Variants in NLRP5 observed in about 807,000 individuals in gnomAD.
NLRP5 encodes NACHT, LRR and PYD domains-containing protein 5.
A neutral mutation model predicts 113.1 loss-of-function variants in NLRP5; 93 were observed. The ratio of observed to expected loss-of-function variants is 0.82; its 90% confidence interval spans 0.70 to 0.98. The LOEUF (loss-of-function observed/expected upper bound fraction) is 0.98, where lower values mean the gene tolerates loss of function less well. Among genes scored for constraint, NLRP5 ranks in the 50% least tolerant of loss-of-function variants. The pLI is 0.00. For missense variants in NLRP5, 1,808 were observed against 1,514.3 expected (o/e 1.19, Z -3.22); for synonymous variants, 751 against 600.7 (o/e 1.25, Z -3.66).
At position 56,028,553 on chromosome 19, in the gene NLRP5, C is replaced by T. The variant is rs759338916; in HGVS notation, c.2276+44C>T. ...TTTATCCTATGCCGTGTGCTGAGCT[C>T]TGTGTCTCTACTGCTGGGACTTGAC... is the stretch of plus-strand genomic sequence containing the variant. On this transcript the variant is annotated intron_variant, in intron 7 of 14. Coordinates refer to ENST00000390649, the MANE Select transcript of NLRP5 (RefSeq NM_153447.4). The T allele has an allele frequency of 1.9e-6, 3 of 1,556,132 alleles. No individual in the cohort carries two copies. In the South Asian group the frequency reaches 3.6e-5, roughly 18 times the overall value.
chr19:56,057,703 C>G (rs1019609858), intron 13 of NLRP5, among the ~76,000 whole-genome samples: 2 of 152,086 alleles, frequency 1.3e-5, no homozygotes, highest in African/African-American at 4.8e-5. Flanking sequence ...GAACCAAGCA[C>G]AGTAGCCTCA....
In NLRP5 at chr19:56,032,794, G is replaced by A. The variant is rs773182534; in HGVS notation, c.2447+13G>A. ...TACAGACCCTGATGTAAGGCTGCCC[G>A]CCCCCTACGAGAGAATCCCTTCCCA... On this transcript the variant is annotated intron_variant, in intron 8 of 14. Coordinates refer to ENST00000390649, the MANE Select transcript of NLRP5 (RefSeq NM_153447.4). The A allele has an allele frequency of 1.0e-4, 166 of 1,594,156 alleles. No individual in the cohort carries two copies. Among genetic ancestry groups the A allele is most frequent in the Admixed American group, 1.2e-4 (7 of 58,958 alleles).
the NLRP5 span, among the ~76,000 whole-genome samples, chr19:55,986,968 C>CA: frequency 6.6e-6 from 1 of 152,222 alleles, no homozygotes; most frequent in South Asian, 2.1e-4. Flanking sequence ...CTTGAAAGAA[C>CA]AAAGTCCAGT....
intron 3 of NLRP5, among the ~76,000 whole-genome samples, chr19:56,010,799 T>TTA (rs564809912): frequency 7.2e-6 from 1 of 137,956 alleles, no homozygotes; most frequent in Non-Finnish European, 1.6e-5. Context: ...GTTTTTTTTT[T>TTA]ATCAAGCTAT....
At chr19:56,016,047 T>C (rs559627572) in intron 4 of NLRP5, among the ~76,000 whole-genome samples, 3 of 152,360 alleles carry the variant, frequency 2.0e-5, no homozygotes, top group South Asian at 2.1e-4. Flanking sequence ...TATATACTTA[T>C]GGGGCGTGAG....
chr19:56,004,005 G>T lies in NLRP5; in HGVS notation c.352G>T (p.Gly118Ter), dbSNP rs771206697. The stretch of plus-strand genomic sequence containing the variant: ...GGCACTCCTCTTGCATGAGTATTAT[G>T]GAGCATCGCTGGCCTGGGCTACGTC... Residue 118 changes from glycine (G) to a stop codon, truncating the protein, a stop_gained, in exon 2 of 15, where the codon GGA becomes TGA. Transcript: ENST00000390649. LOFTEE classifies it high-confidence loss of function. 1 of 1,613,974 alleles carries T rather than the reference G, an allele frequency of 6.2e-7. No homozygotes were observed. The highest frequency in any genetic ancestry group is 8.5e-7 in the Non-Finnish European group (1 of 1,179,886).
intron 13 of NLRP5, among the ~76,000 whole-genome samples, chr19:56,056,938 G>A (rs987635961): frequency 2.6e-5 from 4 of 152,002 alleles, no homozygotes; most frequent in Non-Finnish European, 5.9e-5. Flanking sequence ...TCAGGAGTTC[G>A]AGACCAGACT....
At chr19:55,996,289 A>C (rs1308817808), upstream of NLRP5, among the ~76,000 whole-genome samples, 1 of 151,914 alleles carries the variant, frequency 6.6e-6, no homozygotes, top group Non-Finnish European at 1.5e-5. Flanking sequence ...CATGGCCTTT[A>C]TTGTTCTGAG....
rs535077215 is a variant in NLRP5, at chr19:56,042,162, G to C, written c.2957+1070G>C. On this transcript the variant is annotated intron_variant, in intron 11 of 14. Coordinates refer to ENST00000390649, the MANE Select transcript of NLRP5 (RefSeq NM_153447.4). Reference sequence around the variant, plus strand: ...ACTGAGCACTCCCGGTATTGATTTGGAGAATTACCAACACATTATAGCAAG... The same window carrying C: ...ACTGAGCACTCCCGGTATTGATTTGCAGAATTACCAACACATTATAGCAAG... Among the ~76,000 whole-genome samples the C allele has an allele frequency of 1.1e-3, 175 of 152,248 alleles. 1 individual carries two copies. Among genetic ancestry groups the C allele is most frequent in the African/African-American group, 3.9e-3 (163 of 41,540 alleles).
chr19:55,988,134 T>C, the NLRP5 span: 1 of 424,224 alleles, frequency 2.4e-6, no homozygotes, highest in South Asian at 2.6e-5. Context: ...GGCTCACGCC[T>C]GTAACCCAGC....
chr19:56,039,089 C>T (rs1021695223), intron 10 of NLRP5, among the ~76,000 whole-genome samples: 1 of 152,182 alleles, frequency 6.6e-6, no homozygotes, highest in South Asian at 2.1e-4. Flanking sequence ...AAAATCCCTC[C>T]AACCCTTCCT....
intron 6 of NLRP5, among the ~76,000 whole-genome samples, chr19:56,021,052 A>G (rs1728605834): frequency 6.6e-6 from 1 of 151,794 alleles, no homozygotes; most frequent in African/African-American, 2.4e-5. Flanking sequence ...TTGTATTTTT[A>G]GTAGAGATGG....
chr19:56,000,837 C>G (rs1034636329), intron 1 of NLRP5, among the ~76,000 whole-genome samples: 1 of 151,398 alleles, frequency 6.6e-6, no homozygotes, highest in East Asian at 2.0e-4. Context: ...GAAACCCTGT[C>G]TCTACTAAAA....
chr19:56,050,542 C>A lies in NLRP5; in HGVS notation c.3082C>A (p.Leu1028Met), dbSNP rs745464021. ...TGTGGAAGACAATGGCGTGAAGCTT[C>A]TGTGCGAGGTCATGAGAGAACCATC... Residue 1028 changes from leucine to methionine, a missense_variant, in exon 12 of 15, where the codon CTG becomes ATG. Physicochemically the swap from Leu to Met is conservative, Grantham distance 15. Coordinates refer to ENST00000390649, the MANE Select transcript of NLRP5 (RefSeq NM_153447.4). 2 of 1,614,002 alleles carry A rather than the reference C, an allele frequency of 1.2e-6. No homozygotes were observed. Among genetic ancestry groups the A allele is most frequent in the South Asian group, 1.1e-5 (1 of 91,078 alleles).
intron 12 of NLRP5, among the ~76,000 whole-genome samples, chr19:56,050,956 G>A (rs1032524248): frequency 2.6e-5 from 4 of 152,164 alleles, no homozygotes; most frequent in Admixed American, 2.0e-4. Context: ...ACCCTTTGTT[G>A]AAATGTTTCT....
intron 6 of NLRP5, among the ~76,000 whole-genome samples, chr19:56,021,361 A>G (rs1982610709): frequency 6.6e-6 from 1 of 152,008 alleles, no homozygotes; most frequent in Non-Finnish European, 1.5e-5. Context: ...CATAAAGTTG[A>G]CCCTCCTGAA....
chr19:56,059,234 C>T (rs538721179), intron 14 of NLRP5, among the ~76,000 whole-genome samples: 1 of 152,326 alleles, frequency 6.6e-6, no homozygotes, highest in African/African-American at 2.4e-5. Context: ...CCCTCTCATT[C>T]AGTCCTTGTA....
At chr19:56,030,772 T>C (rs565399149) in intron 7 of NLRP5, among the ~76,000 whole-genome samples, 67 of 129,960 alleles carry the variant, frequency 5.2e-4, no homozygotes, top group Non-Finnish European at 8.9e-4. Context: ...TGGAGTGCAG[T>C]GGTGCGATCT....
intron 11 of NLRP5, among the ~76,000 whole-genome samples, chr19:56,041,504 C>T (rs529873317): frequency 1.3e-5 from 2 of 152,232 alleles, no homozygotes; most frequent in Non-Finnish European, 2.9e-5. Context: ...TGATACACAT[C>T]GTTGATTCGT....
Sources: gnomAD v4.1 joint callset for allele counts (sites outside exome capture counted in the v4.1 genomes callset) on GRCh38, gnomAD v4.1.1 for gene constraint, MANE v1.5 for transcripts, NCBI Gene and HGNC (gene_info 2026-07-23, HGNC 2026-07-21) for gene names.